LRRC14B: variants seen among roughly 807,000 people sequenced by gnomAD.
LRRC14B encodes leucine rich repeat containing 14B, also known as leucine-rich repeat-containing protein 14B.
A neutral mutation model predicts 16.9 loss-of-function variants in LRRC14B; 23 were observed. The observed-to-expected ratio is 1.36, with a 90% CI of 0.98 to 1.92. The LOEUF is 1.92. Among genes scored for constraint, LRRC14B ranks in the 30% most tolerant of loss-of-function variants. The probability of loss-of-function intolerance (pLI) is 0.00; values close to 1 mark genes in which losing one functional copy is unlikely to be tolerated. For missense variants in LRRC14B, 766 were observed against 705.7 expected (o/e 1.09, Z -0.97); for synonymous variants, 358 against 332.5 (o/e 1.08, Z -0.83).
Position 195,642 on chromosome 5 carries a change from G to C in LRRC14B, c.*289G>C. ...GCGGGGGCAGACGCCACATGGCAAA[G>C]AGCAGAGAAGCCCGGGAGGTGTGAG... On this transcript the variant is annotated 3_prime_UTR_variant, in exon 2 of 2. Transcript: ENST00000328278. 2 of 455,308 alleles carry C rather than the reference G, an allele frequency of 4.4e-6. No individual in the cohort carries two copies. The highest frequency in any genetic ancestry group is 4.5e-5 in the South Asian group (2 of 44,340). The allele number at this position is 455,308 out of a possible 1,614,324, so 28.2% of individuals were successfully genotyped here. A position where few individuals can be genotyped will look rare whatever the true frequency, so the allele number is the denominator to read the frequency against.
Position 192,173 on chromosome 5 carries a change from C to T in LRRC14B, c.635C>T (p.Ala212Val), listed in dbSNP as rs200879560. ...LHVLRLAGPGALRKLEVVHNV... is the reference protein window; with the variant it reads ...LHVLRLAGPGVLRKLEVVHNV... ...GTGCTGCGTCTGGCTGGCCCGGGTG[C>T]CCTGCGCAAGCTGGAGGTGGTGCAC... Residue 212 changes from alanine (A) to valine (V), a missense_variant, in exon 1 of 2, where the codon GCC (alanine) becomes GTC (valine). Ala to Val is a moderately conservative substitution (Grantham distance 64). Transcript: ENST00000328278. 1,114 of 1,599,908 alleles carry T rather than the reference C, an allele frequency of 7.0e-4. 16 individuals are homozygous for T. The South Asian group carries it at 9.7e-3, about 14-fold the overall frequency.
rs747679487 is a variant in LRRC14B at position 195,177 on chromosome 5, G to A, written c.1369G>A (p.Glu457Lys). 1 of 1,613,916 alleles carries A rather than the reference G, an allele frequency of 6.2e-7. No homozygotes were observed. The highest frequency in any genetic ancestry group is 1.3e-5 in the African/African-American group (1 of 75,054). Residue 457 changes from glutamate to lysine, a missense_variant, in exon 2 of 2, where the codon GAG becomes AAG. Physicochemically the swap from Glu to Lys is moderately conservative, Grantham distance 56. Transcript: ENST00000328278. ...GCAGAAATACGACGAGATCGCCGAG[G>A]AGCTGCGTGCCGTGCTGCTGCGGGC... ...NQQKYDEIAE[E>K]LRAVLLRADR...
chr5:195,852 C>T lies in LRRC14B; in HGVS notation c.*499C>T, dbSNP rs1382077441. On this transcript the variant is annotated 3_prime_UTR_variant, in exon 2 of 2. Transcript: ENST00000328278. ...AAGAGGCGAAAAATGAACAGCAAAC[C>T]GGACCCTGCTTCCTCCAGCAGGAGG... 6 of 161,262 alleles carry T rather than the reference C, an allele frequency of 3.7e-5. No homozygotes were observed. Among genetic ancestry groups the T allele is most frequent in the Admixed American group, 1.2e-4 (2 of 16,918 alleles). The allele number at this position is 161,262 out of a possible 1,614,324, so 10.0% of individuals were successfully genotyped here.
At position 195,207 on chromosome 5, in the gene LRRC14B, C is replaced by G. The variant is rs757299085; in HGVS notation, c.1399C>G (p.Arg467Gly). ...GCGTGCCGTGCTGCTGCGGGCTGAC[C>G]GAGAGGACATCCAAGTCTCCACACC... Reference protein sequence around the residue: ...ELRAVLLRADREDIQVSTPLF... With the variant: ...ELRAVLLRADGEDIQVSTPLF... Residue 467 changes from arginine (R) to glycine (G), a missense_variant, in exon 2 of 2, where the codon CGA becomes GGA. Arg to Gly is a moderately radical substitution (Grantham distance 125, BLOSUM62 -2). Coordinates refer to ENST00000328278, the MANE Select transcript of LRRC14B (RefSeq NM_001080478.3). 30 of 1,613,638 alleles carry G rather than the reference C, an allele frequency of 1.9e-5. No individual in the cohort carries two copies. Among genetic ancestry groups the G allele is most frequent in the Non-Finnish European group, 2.5e-5 (30 of 1,179,884 alleles).
intron 1 of LRRC14B, 101 bp downstream of exon 1, chr5:192,538 C>T: frequency 1.6e-6 from 2 of 1,222,212 alleles, no homozygotes; most frequent in South Asian, 4.2e-5. Context: ...GGCTACACGG[C>T]CTCCAGCCTC....
In LRRC14B at chr5:196,034, G is replaced by T. The variant is rs1393107869; in HGVS notation, c.*681G>T. The T allele has an allele frequency of 6.5e-6, 1 of 153,158 alleles. No individual in the cohort carries two copies. The highest frequency in any genetic ancestry group is 1.5e-5 in the Non-Finnish European group (1 of 68,812). The allele number at this position is 153,158 out of a possible 1,614,324, so 9.5% of individuals were successfully genotyped here. A position where few individuals can be genotyped will look rare whatever the true frequency, so the allele number is the denominator to read the frequency against. ...AACCGTGAGGGGCATCCGAGTGGGT[G>T]AGCACAGGCGTCCGCTGAAGAGCCG... On this transcript the variant is annotated 3_prime_UTR_variant, in exon 2 of 2. Transcript: ENST00000328278.
At position 191,678 on chromosome 5, in the gene LRRC14B, C is replaced by A; in HGVS notation, c.140C>A (p.Ala47Glu). The A allele has an allele frequency of 6.2e-7, 1 of 1,602,982 alleles. No homozygotes were observed. Among genetic ancestry groups the A allele is most frequent in the South Asian group, 1.1e-5 (1 of 89,296 alleles). The change falls in exon 1 of 2, where the codon GCG becomes GAG. Residue 47 changes from alanine (A) to glutamate (E), a missense_variant. By Grantham distance (107) the Ala-to-Glu change is moderately radical. Transcript: ENST00000328278. ...AAAGCCAGCTACCTGCTGGAGCAGG[C>A]GGAGGTGACGCGCGCGGTGCTGGGG... ...LFKASYLLEQ[A>E]EVTRAVLGRW...
In LRRC14B at chr5:195,162, G is replaced by T. The variant is rs574254936; in HGVS notation, c.1354G>T (p.Asp452Tyr). The part of the protein sequence containing the change: ...AMSKFNQQKY[D>Y]EIAEELRAVL... ...GTCCAAGTTCAACCAGCAGAAATAC[G>T]ACGAGATCGCCGAGGAGCTGCGTGC... is the stretch of plus-strand genomic sequence containing the variant. The change falls in exon 2 of 2, where the codon GAC becomes TAC. Residue 452 changes from aspartate (D) to tyrosine (Y), a missense_variant. By Grantham distance (160) the Asp-to-Tyr change is radical. Coordinates refer to ENST00000328278, the MANE Select transcript of LRRC14B (RefSeq NM_001080478.3). 5 of 1,613,902 alleles carry T rather than the reference G, an allele frequency of 3.1e-6. No homozygotes were observed. The East Asian group carries it at 1.1e-4, about 36-fold the overall frequency.
rs1482296779 is a variant in LRRC14B, at chr5:194,730, G to T, written c.922G>T (p.Val308Leu). ...LLGPLQTPLRVLDLANCALNH... is the reference protein window; with the variant it reads ...LLGPLQTPLRLLDLANCALNH... ...CAGCCCCCTACAGACCCCGCTGCGA[G>T]TACTGGACCTGGCCAACTGTGCCCT... The change falls in exon 2 of 2, where the codon GTA becomes TTA. Residue 308 changes from valine (V) to leucine (L), a missense_variant. Coordinates refer to ENST00000328278, the MANE Select transcript of LRRC14B (RefSeq NM_001080478.3). 3.7e-6 allele frequency: 6 copies of T among 1,612,272 alleles called. No homozygotes were observed. The highest frequency in any genetic ancestry group is 4.5e-5 in the East Asian group (2 of 44,876).
rs780907546 is a variant in LRRC14B, at chr5:195,454, A to G, written c.*101A>G. On this transcript the variant is annotated 3_prime_UTR_variant, in exon 2 of 2. Coordinates refer to ENST00000328278, the MANE Select transcript of LRRC14B (RefSeq NM_001080478.3). Reference sequence around the variant, plus strand: ...CTTGGGCCCGGCATTCATCCCCACCACCACCACCACCAAAAGCAGTTCTTA... The same window carrying G: ...CTTGGGCCCGGCATTCATCCCCACCGCCACCACCACCAAAAGCAGTTCTTA... 496 of 1,036,376 alleles carry G rather than the reference A, an allele frequency of 4.8e-4. 3 individuals are homozygous for G. The highest frequency in any genetic ancestry group is 6.6e-4 in the Non-Finnish European group (479 of 722,302). 64.2% of individuals were successfully genotyped at this position (1,036,376 alleles called of 1,614,324 possible).
chr5:195,232 C>G lies in LRRC14B; in HGVS notation c.1424C>G (p.Pro475Arg). 1 of 1,613,618 alleles carries G rather than the reference C, an allele frequency of 6.2e-7. No homozygotes were observed. The highest frequency in any genetic ancestry group is 8.5e-7 in the Non-Finnish European group (1 of 1,179,890). The change falls in exon 2 of 2, where the codon CCT becomes CGT. Residue 475 changes from proline (P) to arginine (R), a missense_variant. Physicochemically the swap from Pro to Arg is moderately radical, Grantham distance 103. Transcript: ENST00000328278. ...ADREDIQVSTPLFGSFDPDIQ... is the reference protein window; with the variant it reads ...ADREDIQVSTRLFGSFDPDIQ... ...CGAGAGGACATCCAAGTCTCCACAC[C>G]TCTCTTTGGAAGTTTTGACCCAGAC...
In LRRC14B at chr5:191,761, C is replaced by G; in HGVS notation, c.223C>G (p.Pro75Ala). The change falls in exon 1 of 2, where the codon CCC (proline) becomes GCC (alanine). Residue 75 changes from proline to alanine, a missense_variant. Coordinates refer to ENST00000328278, the MANE Select transcript of LRRC14B (RefSeq NM_001080478.3). ...GCTGCTGGGTCCTGGTGCCGACCAC[C>G]CCCAGGACCTGCGCGACAGAACCTG... ...GALLGPGADH[P>A]QDLRDRTCRA... The G allele has an allele frequency of 6.5e-7, 1 of 1,548,542 alleles. No homozygotes were observed. The highest frequency in any genetic ancestry group is 1.4e-5 in the African/African-American group (1 of 73,350).
In LRRC14B at chr5:192,018, C is replaced by G. The variant is rs1269980203; in HGVS notation, c.480C>G (p.Ala160=). The G allele has an allele frequency of 2.0e-6, 3 of 1,536,400 alleles. No individual in the cohort carries two copies. Among genetic ancestry groups the G allele is most frequent in the Admixed American group, 2.0e-5 (1 of 51,220 alleles). The change falls in exon 1 of 2, where the codon GCC becomes GCG. Residue 160 remains alanine, a synonymous_variant. Coordinates refer to ENST00000328278, the MANE Select transcript of LRRC14B (RefSeq NM_001080478.3). ...LAAGRPVEVL[A]DLFVTEGNFE... is the part of the protein sequence containing the mutation. Reference sequence around the variant, plus strand: ...CCGGGCGCCCCGTCGAGGTCCTCGCCGACCTCTTCGTCACTGAGGGCAACT... The same window carrying G: ...CCGGGCGCCCCGTCGAGGTCCTCGCGGACCTCTTCGTCACTGAGGGCAACT...
At chr5:192,581 C>A (rs1022862529) in intron 1 of LRRC14B, 144 bp downstream of exon 1, 1 of 892,132 alleles carries the variant, frequency 1.1e-6, no homozygotes, top group Non-Finnish European at 1.5e-6. Flanking sequence ...CACAGGACAG[C>A]GGCCCCGCCA....
rs762751045 is a variant in LRRC14B at position 195,130 on chromosome 5, T to A, written c.1322T>A (p.Leu441Gln). 3.1e-6 allele frequency: 5 copies of A among 1,613,964 alleles called. No individual in the cohort carries two copies. The highest frequency in any genetic ancestry group is 4.2e-6 in the Non-Finnish European group (5 of 1,179,896). ...PEGAAYPQDE[L>Q]AMSKFNQQKY... ...GGTGCCGCCTACCCACAGGACGAGC[T>A]GGCCATGTCCAAGTTCAACCAGCAG... Residue 441 changes from leucine (L) to glutamine (Q), a missense_variant, in exon 2 of 2, where the codon CTG becomes CAG. Transcript: ENST00000328278.
Position 195,364 on chromosome 5 carries a change from C to G in LRRC14B, c.*11C>G. On this transcript the variant is annotated 3_prime_UTR_variant, in exon 2 of 2. Coordinates refer to ENST00000328278, the MANE Select transcript of LRRC14B (RefSeq NM_001080478.3). Reference sequence around the variant, plus strand: ...AAACAAATAGAGTAGTTCCTCCACTCGCACCAGTGACAGGTCTTGCATTTC... The same window carrying G: ...AAACAAATAGAGTAGTTCCTCCACTGGCACCAGTGACAGGTCTTGCATTTC... The G allele has an allele frequency of 6.3e-7, 1 of 1,595,198 alleles. No homozygotes were observed. Among genetic ancestry groups the G allele is most frequent in the South Asian group, 1.1e-5 (1 of 90,562 alleles).
At chr5:194,176 T>G (rs1361415636) in intron 1 of LRRC14B, among the ~76,000 whole-genome samples, 1 of 148,184 alleles carries the variant, frequency 6.7e-6, no homozygotes, top group South Asian at 2.1e-4. Flanking sequence ...CCCCCCGCCG[T>G]CTGCTTTCTG....
In LRRC14B at chr5:191,578, G is replaced by A. The variant is rs771528989; in HGVS notation, c.40G>A (p.Ala14Thr). 3.7e-6 allele frequency: 6 copies of A among 1,612,422 alleles called. No homozygotes were observed. The East Asian group carries it at 1.1e-4, about 30-fold the overall frequency. ...GTCACTCCGCTTCATTTCTGCAGAA[G>A]CTCTGGTGTCCCACCCCCAGGTGGC... ...MRSLRFISAE[A>T]LVSHPQVARQ... is the part of the protein sequence containing the mutation. Residue 14 changes from alanine (A) to threonine (T), a missense_variant, in exon 1 of 2, where the codon GCT becomes ACT. Coordinates refer to ENST00000328278, the MANE Select transcript of LRRC14B (RefSeq NM_001080478.3).
rs1411440660 is a variant in LRRC14B, at chr5:194,760, C to A, written c.952C>A (p.His318Asn). Residue 318 changes from histidine (H) to asparagine (N), a missense_variant, in exon 2 of 2, where the codon CAC becomes AAC. His to Asn is a moderately conservative substitution (Grantham distance 68, BLOSUM62 1). Transcript: ENST00000328278. The part of the protein sequence containing the change: ...VLDLANCALN[H>N]TDMAFLADCA... ...GGACCTGGCCAACTGTGCCCTGAACCACACGGACATGGCCTTCTTGGCAGA... is the reference window on the plus strand; with the variant it reads ...GGACCTGGCCAACTGTGCCCTGAACAACACGGACATGGCCTTCTTGGCAGA... 6.2e-7 allele frequency: 1 copy of A among 1,613,622 alleles called. No individual in the cohort carries two copies. The highest frequency in any genetic ancestry group is 1.3e-5 in the African/African-American group (1 of 75,064).
Sources: allele counts gnomAD v4.1 joint callset (sites outside exome capture counted in the v4.1 genomes callset), GRCh38; gene constraint gnomAD v4.1.1; transcripts MANE v1.5; gene names NCBI Gene and HGNC (gene_info 2026-07-23, HGNC 2026-07-21).